RNF150: variants seen among roughly 807,000 people sequenced by gnomAD.
RNF150 encodes ring finger protein 150.
Under a neutral mutation model 39.3 loss-of-function variants are expected in RNF150, and 24 were observed. The observed-to-expected ratio is 0.61, with a 90% confidence interval of 0.44 to 0.86. The LOEUF (loss-of-function observed/expected upper bound fraction) is 0.86. Among genes scored for constraint, RNF150 ranks in the 40% least tolerant of loss-of-function variants. RNF150 has a pLI of 0.00. For missense variants in RNF150, 502 were observed against 587.8 expected, an observed-to-expected ratio of 0.85 and a Z score of 1.51; for synonymous variants, 255 against 227.3, an observed-to-expected ratio of 1.12 and a Z score of -1.10.
Position 141,114,197 on chromosome 4 carries a change from CA to C in RNF150, c.484+18127del, listed in dbSNP as rs1295368125. On this transcript the variant is annotated intron_variant, in intron 1 of 6. Transcript: ENST00000515673. ...GGAGATAGAGACATGAAAAACCCTT[CA>C]AAAAAAATTGATGAATCCAGGAGCT... is the stretch of plus-strand genomic sequence containing the variant. 7.9e-5 allele frequency among the ~76,000 whole-genome samples: 12 copies of C among 151,650 alleles called. 1 individual carries two copies. In the South Asian group the frequency reaches 1.0e-3, roughly 13 times the overall value.
chr4:140,988,531 C>T (rs1734086262), intron 1 of RNF150, among the ~76,000 whole-genome samples: 1 of 152,102 alleles, frequency 6.6e-6, no homozygotes, highest in East Asian at 1.9e-4. Flanking sequence ...GGTACATGTG[C>T]ACAACGTGCA....
intron 1 of RNF150, among the ~76,000 whole-genome samples, chr4:141,192,053 C>T (rs1450103000): frequency 6.6e-6 from 1 of 152,268 alleles, no homozygotes; most frequent in East Asian, 1.9e-4. Context: ...AAGATTTACC[C>T]AACATTATTA....
intron 1 of RNF150, among the ~76,000 whole-genome samples, chr4:141,064,170 G>A (rs1737361484): frequency 6.6e-6 from 1 of 152,050 alleles, no homozygotes; most frequent in African/African-American, 2.4e-5. Flanking sequence ...TACAGTGCTT[G>A]CAACAACCTT....
intron 6 of RNF150, among the ~76,000 whole-genome samples, chr4:140,897,688 G>A (rs527627633): frequency 6.6e-6 from 1 of 152,276 alleles, no homozygotes; most frequent in South Asian, 2.1e-4. Flanking sequence ...AGCTCTCTAA[G>A]ATTCTTGGCA....
chr4:140,949,598 A>G (rs185957581), intron 2 of RNF150, among the ~76,000 whole-genome samples: 1 of 152,218 alleles, frequency 6.6e-6, no homozygotes, highest in East Asian at 1.9e-4. Flanking sequence ...CTTCATGCCT[A>G]GAGTTAAGCA....
At chr4:141,137,183 G>A (rs913841479), upstream of RNF150, among the ~76,000 whole-genome samples, 4 of 152,324 alleles carry the variant, frequency 2.6e-5, no homozygotes, top group South Asian at 8.3e-4. Flanking sequence ...ATGTGGCCTT[G>A]CAGTCAAAGG....
At chr4:141,080,132 A>G (rs1738094705) in intron 1 of RNF150, among the ~76,000 whole-genome samples, 1 of 152,226 alleles carries the variant, frequency 6.6e-6, no homozygotes, top group Non-Finnish European at 1.5e-5. Flanking sequence ...TTGCTCTTGA[A>G]AGAAAACCTC....
chr4:140,952,716 G>A (rs1732587937), intron 2 of RNF150, among the ~76,000 whole-genome samples: 2 of 152,196 alleles, frequency 1.3e-5, no homozygotes, highest in Non-Finnish European at 2.9e-5. Context: ...GCATTTGTAT[G>A]ACTGGGCCCT....
chr4:141,117,531 C>T (rs750011770), intron 1 of RNF150, among the ~76,000 whole-genome samples: 17 of 152,188 alleles, frequency 1.1e-4, no homozygotes, highest in Non-Finnish European at 2.1e-4. Context: ...CCATCTAGAA[C>T]AAATGTATAT....
intron 5 of RNF150, among the ~76,000 whole-genome samples, chr4:140,911,950 G>A (rs1234443935): frequency 1.3e-5 from 2 of 152,072 alleles, no homozygotes; most frequent in South Asian, 2.1e-4. Context: ...TCCTTAATAC[G>A]GTATTGATCA....
intron 1 of RNF150, among the ~76,000 whole-genome samples, chr4:141,166,309 T>C (rs1218813802): frequency 6.6e-6 from 1 of 152,188 alleles, no homozygotes; most frequent in Non-Finnish European, 1.5e-5. Flanking sequence ...CAGTAATTAA[T>C]AGCCTACCAA....
At chr4:141,211,372 G>A (rs148425792) in intron 1 of RNF150, among the ~76,000 whole-genome samples, 1 of 152,126 alleles carries the variant, frequency 6.6e-6, no homozygotes, top group South Asian at 2.1e-4. Flanking sequence ...CCTCATTGAA[G>A]CTATAATTTG....
intron 1 of RNF150, among the ~76,000 whole-genome samples, chr4:141,201,223 C>A (rs1728285498): frequency 6.6e-6 from 1 of 152,114 alleles, no homozygotes; most frequent in Non-Finnish European, 1.5e-5. Flanking sequence ...CATTCTGGCC[C>A]AAATTGATAT....
At chr4:141,113,833 T>A (rs1739466266) in intron 1 of RNF150, among the ~76,000 whole-genome samples, 1 of 152,216 alleles carries the variant, frequency 6.6e-6, no homozygotes, top group Non-Finnish European at 1.5e-5. Context: ...CAGACCACCG[T>A]GCAATCAAAT....
At chr4:141,195,087 C>T (rs1391870646) in intron 1 of RNF150, among the ~76,000 whole-genome samples, 2 of 148,896 alleles carry the variant, frequency 1.3e-5, no homozygotes. Flanking sequence ...CCCTACACAT[C>T]CCCTTTCCAG....
At chr4:141,174,824 G>T (rs776407022) in intron 1 of RNF150, among the ~76,000 whole-genome samples, 3 of 149,920 alleles carry the variant, frequency 2.0e-5, no homozygotes, top group Non-Finnish European at 4.4e-5. Flanking sequence ...ATTAAAAACA[G>T]ACTTTTCTGC....
At chr4:140,928,659 G>C (rs1237945973) in intron 4 of RNF150, among the ~76,000 whole-genome samples, 2 of 152,128 alleles carry the variant, frequency 1.3e-5, no homozygotes, top group Admixed American at 1.3e-4. Context: ...CCATTCCCCT[G>C]CCTCAGCCTC....
chr4:140,968,708 C>T (rs549587658), intron 1 of RNF150, among the ~76,000 whole-genome samples: 4 of 151,900 alleles, frequency 2.6e-5, no homozygotes, highest in South Asian at 4.2e-4. Flanking sequence ...ACCATTTTTT[C>T]TTGGGCCACT....
intron 1 of RNF150, among the ~76,000 whole-genome samples, chr4:141,109,708 G>A (rs2111057119): frequency 6.6e-6 from 1 of 152,194 alleles, no homozygotes; most frequent in East Asian, 1.9e-4. Flanking sequence ...CTATGATGGA[G>A]CAGCATATAT....
Sources: gnomAD v4.1 joint callset for allele counts (sites outside exome capture counted in the v4.1 genomes callset) on GRCh38, gnomAD v4.1.1 for gene constraint, MANE v1.5 for transcripts, NCBI Gene and HGNC (gene_info 2026-07-23, HGNC 2026-07-21) for gene names.